RANBP2: variants seen among roughly 807,000 people sequenced by gnomAD.
RANBP2 encodes E3 SUMO-protein ligase RanBP2.
In RANBP2, 57 loss-of-function variants were observed where a neutral mutation model predicts 303.6. The ratio of observed to expected loss-of-function variants is 0.19; its 90% CI spans 0.15 to 0.23. The LOEUF (loss-of-function observed/expected upper bound fraction) is 0.23, where lower values mean the gene tolerates loss of function less well. RANBP2 is among the 10% of genes least tolerant of loss of function. The pLI, the probability that RANBP2 is intolerant of heterozygous loss-of-function variation, is 1.00. For missense variants in RANBP2, 3,138 were observed against 3,780.8 expected (o/e 0.83, Z 4.46); for synonymous variants, 1,167 against 1,301.5 (o/e 0.90, Z 2.23).
intron 7 of RANBP2, among the ~76,000 whole-genome samples, chr2:108,743,059 C>G (rs941292516): frequency 1.3e-5 from 2 of 152,098 alleles, no homozygotes; most frequent in Non-Finnish European, 2.9e-5. Flanking sequence ...AAAGTGCTGG[C>G]ATTATAGGCG....
chr2:109,474,555 G>T, the RANBP2 span, among the ~76,000 whole-genome samples: 1 of 152,164 alleles, frequency 6.6e-6, no homozygotes. Flanking sequence ...CGAACCGCAC[G>T]GGGCTTATAG....
At chr2:109,794,945 G>A in the RANBP2 span, 2 of 12,640 alleles carry the variant, frequency 1.6e-4, no homozygotes, top group South Asian at 3.2e-3. Context: ...TGCTGTATCG[G>A]CGGGTTTCTT....
At chr2:109,311,629 T>C in the RANBP2 span, among the ~76,000 whole-genome samples, 6 of 152,228 alleles carry the variant, frequency 3.9e-5, no homozygotes, top group Non-Finnish European at 7.3e-5. Flanking sequence ...TGGCCCTTGA[T>C]GGCAAGACTG....
At chr2:109,188,429 A>G in the RANBP2 span, among the ~76,000 whole-genome samples, 1 of 152,202 alleles carries the variant, frequency 6.6e-6, no homozygotes, top group Non-Finnish European at 1.5e-5. Context: ...GGGCCCAGCC[A>G]TCCACACAAC....
the RANBP2 span, among the ~76,000 whole-genome samples, chr2:109,089,663 A>G: frequency 3.9e-5 from 6 of 152,154 alleles, no homozygotes; most frequent in Non-Finnish European, 7.3e-5. Flanking sequence ...GCAGGAACTC[A>G]GGAGGGATAA....
chr2:109,183,784 T>C, the RANBP2 span, among the ~76,000 whole-genome samples: 1 of 152,114 alleles, frequency 6.6e-6, no homozygotes, highest in South Asian at 2.1e-4. Flanking sequence ...ACTCTTTACA[T>C]ATAAGGAGGT....
the RANBP2 span, among the ~76,000 whole-genome samples, chr2:109,037,561 C>A: frequency 6.6e-6 from 1 of 152,012 alleles, no homozygotes; most frequent in Admixed American, 6.6e-5. Flanking sequence ...TAGAAAATCC[C>A]AAGGAATTTA....
the RANBP2 span, among the ~76,000 whole-genome samples, chr2:109,396,896 G>C: frequency 6.6e-6 from 1 of 152,228 alleles, no homozygotes; most frequent in Admixed American, 6.5e-5. Flanking sequence ...TCCCACCTTC[G>C]TGGATCTCAC....
chr2:109,629,861 G>A, the RANBP2 span, among the ~76,000 whole-genome samples: 94 of 152,086 alleles, frequency 6.2e-4, no homozygotes, highest in African/African-American at 2.1e-3. Context: ...ACACACATAC[G>A]TTATGTACCC....
the RANBP2 span, among the ~76,000 whole-genome samples, chr2:109,287,985 G>A: frequency 2.6e-5 from 4 of 152,192 alleles, no homozygotes; most frequent in South Asian, 4.1e-4. Context: ...TTTGAAAGGC[G>A]AAGTGAGCCC....
the RANBP2 span, among the ~76,000 whole-genome samples, chr2:109,334,849 G>A: frequency 6.6e-6 from 1 of 152,184 alleles, no homozygotes; most frequent in Admixed American, 6.5e-5. Flanking sequence ...AGCACTTCCA[G>A]GACAGGTGGA....
chr2:108,923,413 T>G, the RANBP2 span: 4 of 1,614,146 alleles, frequency 2.5e-6, no homozygotes, highest in Admixed American at 5.0e-5. Flanking sequence ...TAGCAGACCA[T>G]GCCATAGATG....
chr2:109,338,651 G>A, the RANBP2 span, among the ~76,000 whole-genome samples: 5 of 152,202 alleles, frequency 3.3e-5, 1 homozygote, highest in Admixed American at 1.3e-4. Flanking sequence ...TCTGCCTCCC[G>A]AGTTCAGGCA....
chr2:108,899,531 CCTTCT>C, the RANBP2 span, among the ~76,000 whole-genome samples: 1 of 152,198 alleles, frequency 6.6e-6, no homozygotes, highest in Non-Finnish European at 1.5e-5. Flanking sequence ...AATAGACTTT[CCTTCT>C]CTTTTTAAGT....
chr2:108,870,877 ACT>A, the RANBP2 span, among the ~76,000 whole-genome samples: 1 of 152,018 alleles, frequency 6.6e-6, no homozygotes, highest in Non-Finnish European at 1.5e-5. Context: ...GATGGAAAAA[ACT>A]CTGGAGATGG....
the RANBP2 span, chr2:109,251,334 A>G: frequency 2.8e-5 from 14 of 501,306 alleles, no homozygotes; most frequent in African/African-American, 2.7e-4. Context: ...AGAATTAGAG[A>G]GATGCAAGAC....
At chr2:109,559,244 G>C in the RANBP2 span, among the ~76,000 whole-genome samples, 1 of 152,130 alleles carries the variant, frequency 6.6e-6, no homozygotes, top group African/African-American at 2.4e-5. Flanking sequence ...AGACTATAAT[G>C]AGCTACAAAA....
chr2:109,386,531 G>A, the RANBP2 span, among the ~76,000 whole-genome samples: 2 of 152,228 alleles, frequency 1.3e-5, no homozygotes, highest in African/African-American at 4.8e-5. Context: ...AGCGTTAGCT[G>A]GATCTTGGGC....
At chr2:109,134,895 G>C in the RANBP2 span, among the ~76,000 whole-genome samples, 1 of 152,208 alleles carries the variant, frequency 6.6e-6, no homozygotes. Flanking sequence ...AATCTGTTGT[G>C]GCTTTGGATG....
Sources: gnomAD v4.1 joint callset for allele counts (sites outside exome capture counted in the v4.1 genomes callset) on GRCh38, gnomAD v4.1.1 for gene constraint, MANE v1.5 for transcripts, NCBI Gene and HGNC (gene_info 2026-07-23, HGNC 2026-07-21) for gene names.